EYS: variants seen among roughly 807,000 people sequenced by gnomAD.
EYS encodes the protein protein eyes shut homolog.
In EYS, 250 loss-of-function variants were observed where a neutral mutation model predicts 282.1. The ratio of observed to expected loss-of-function variants is 0.89; its 90% CI spans 0.80 to 0.98. The LOEUF (loss-of-function observed/expected upper bound fraction) is 0.98, where lower values mean the gene tolerates loss of function less well. Ranked by LOEUF, EYS falls within the 50% of genes least tolerant of loss-of-function variation. EYS has a pLI of 0.00. For missense variants in EYS, 4,016 were observed against 3,709.0 expected (o/e 1.08, Z -2.15); for synonymous variants, 1,355 against 1,282.9 (o/e 1.06, Z -1.20).
chr6:65,475,902 T>C (rs1361662525), intron 5 of EYS, among the ~76,000 whole-genome samples: 5 of 152,040 alleles, frequency 3.3e-5, no homozygotes, highest in Admixed American at 1.3e-4. Flanking sequence ...ATAAGGAATA[T>C]TACAGAACCG....
chr6:63,791,984 C>A (rs1281961612), intron 37 of EYS, among the ~76,000 whole-genome samples: 1 of 151,842 alleles, frequency 6.6e-6, no homozygotes, highest in Non-Finnish European at 1.5e-5. Flanking sequence ...TTTGAAAGGA[C>A]AGATCAATTT....
chr6:64,891,614 T>G (rs987725423), intron 18 of EYS, among the ~76,000 whole-genome samples: 2 of 152,126 alleles, frequency 1.3e-5, no homozygotes, highest in African/African-American at 2.4e-5. Context: ...TTCCTTTCGC[T>G]ATTACCTGCT....
At chr6:65,152,662 A>G (rs905962026) in intron 12 of EYS, among the ~76,000 whole-genome samples, 7 of 151,960 alleles carry the variant, frequency 4.6e-5, no homozygotes, top group African/African-American at 1.4e-4. Context: ...ATTTTGTTAT[A>G]GCAACCCTAG....
chr6:65,693,238 CCTCT>C (rs903235747), intron 1 of EYS, among the ~76,000 whole-genome samples: 1 of 149,250 alleles, frequency 6.7e-6, no homozygotes, highest in African/African-American at 2.4e-5. Context: ...CTCCCTTTTT[CCTCT>C]CTCTTTTCTC....
chr6:64,406,685 G>T (rs1261006422), intron 28 of EYS, among the ~76,000 whole-genome samples: 1 of 152,180 alleles, frequency 6.6e-6, no homozygotes, highest in Non-Finnish European at 1.5e-5. Flanking sequence ...AGACATTTAT[G>T]CAGCCAACTA....
chr6:64,424,203 C>T (rs1046966473), intron 28 of EYS, among the ~76,000 whole-genome samples: 5 of 152,068 alleles, frequency 3.3e-5, no homozygotes, highest in Admixed American at 2.0e-4. Flanking sequence ...AATCAACCCC[C>T]GTTTTCATAT....
intron 35 of EYS, among the ~76,000 whole-genome samples, chr6:63,930,458 G>C (rs965956606): frequency 6.6e-6 from 1 of 152,106 alleles, no homozygotes; most frequent in African/African-American, 2.4e-5. Context: ...TTAGTAGTGT[G>C]CTATGATTAC....
chr6:64,675,586 T>C (rs923204200), intron 22 of EYS, among the ~76,000 whole-genome samples: 2 of 151,830 alleles, frequency 1.3e-5, no homozygotes, highest in Admixed American at 1.3e-4. Flanking sequence ...CCCACCCCCA[T>C]ACCTGGCTAA....
At chr6:65,140,754 C>G (rs1208603801) in intron 12 of EYS, among the ~76,000 whole-genome samples, 3 of 152,074 alleles carry the variant, frequency 2.0e-5, no homozygotes, top group Non-Finnish European at 4.4e-5. Flanking sequence ...CTCATCATCA[C>G]TGGCCATCAG....
At chr6:65,568,355 C>T (rs190197018) in intron 2 of EYS, among the ~76,000 whole-genome samples, 1 of 147,938 alleles carries the variant, frequency 6.8e-6, no homozygotes, top group African/African-American at 2.5e-5. Context: ...TTCCTCATAA[C>T]TCGTTGGAAA....
At chr6:64,635,119 CTGTT>C (rs1767928669) in intron 22 of EYS, among the ~76,000 whole-genome samples, 1 of 152,036 alleles carries the variant, frequency 6.6e-6, no homozygotes. Flanking sequence ...ATTTGGCTCT[CTGTT>C]TGTCTGTTAC....
At chr6:65,251,572 T>C (rs1343235060) in intron 12 of EYS, among the ~76,000 whole-genome samples, 2 of 152,114 alleles carry the variant, frequency 1.3e-5, no homozygotes, top group East Asian at 1.9e-4. Context: ...GATGGAATAA[T>C]GACATTCCAC....
At chr6:65,222,885 C>A (rs973811897) in intron 12 of EYS, among the ~76,000 whole-genome samples, 3 of 152,050 alleles carry the variant, frequency 2.0e-5, no homozygotes, top group Non-Finnish European at 2.9e-5. Flanking sequence ...GTCAGTTTGT[C>A]TGGATAACAA....
intron 12 of EYS, among the ~76,000 whole-genome samples, chr6:65,251,007 G>C (rs1582064153): frequency 2.3e-5 from 2 of 88,556 alleles, no homozygotes; most frequent in African/African-American, 8.5e-5. Context: ...AAAATATCCG[G>C]AAAATAGATA....
At chr6:65,506,460 C>CTTTTTTATTTTTTTTT (rs1766659678) in intron 2 of EYS, among the ~76,000 whole-genome samples, 1 of 64,858 alleles carries the variant, frequency 1.5e-5, no homozygotes, top group African/African-American at 6.1e-5. Flanking sequence ...TCCTTCCTTT[C>CTTTTTTATTTTTTTTT]TTTTTTTTTT....
intron 29 of EYS, among the ~76,000 whole-genome samples, chr6:64,323,487 A>G (rs1203666741): frequency 6.6e-6 from 1 of 152,104 alleles, no homozygotes; most frequent in Non-Finnish European, 1.5e-5. Context: ...TGTTTCATGT[A>G]CAGATTTGTG....
intron 41 of EYS, among the ~76,000 whole-genome samples, chr6:63,754,045 A>G (rs964319007): frequency 1.3e-5 from 2 of 152,194 alleles, no homozygotes; most frequent in African/African-American, 4.8e-5. Context: ...CTGGCAATTA[A>G]AGCATTCAAT....
chr6:65,115,020 T>G (rs1427509220), intron 12 of EYS, among the ~76,000 whole-genome samples: 3 of 152,024 alleles, frequency 2.0e-5, no homozygotes, highest in African/African-American at 7.2e-5. Context: ...ACTTAATAAA[T>G]AATCCTCAAG....
chr6:63,894,148 C>A (rs1396072414), intron 35 of EYS, among the ~76,000 whole-genome samples: 1 of 152,200 alleles, frequency 6.6e-6, no homozygotes, highest in African/African-American at 2.4e-5. Context: ...TTTTCCCTGG[C>A]ACAGGGTGCA....
Sources: allele counts gnomAD v4.1 joint callset (sites outside exome capture counted in the v4.1 genomes callset), GRCh38; gene constraint gnomAD v4.1.1; transcripts MANE v1.5; gene names NCBI Gene and HGNC (gene_info 2026-07-23, HGNC 2026-07-21).